Variants in EPHB2 observed in about 807,000 individuals in gnomAD.
EPHB2 encodes the protein EPH receptor B2, also known as ephrin type-B receptor 2.
Under a neutral mutation model 96.4 loss-of-function variants are expected in EPHB2, and 18 were observed. That is an observed-to-expected ratio of 0.19 (90% confidence interval 0.13 to 0.28). The LOEUF (loss-of-function observed/expected upper bound fraction) is 0.28, where lower values mean the gene tolerates loss of function less well. Ranked by LOEUF, EPHB2 falls within the 10% of genes least tolerant of loss-of-function variation. EPHB2 has a pLI of 1.00. For missense variants in EPHB2, 989 were observed against 1,355.4 expected (o/e 0.73, Z 4.25); for synonymous variants, 506 against 534.1 (o/e 0.95, Z 0.72).
chr1:22,746,500 C>G (rs1643976075), intron 1 of EPHB2, among the ~76,000 whole-genome samples: 1 of 152,218 alleles, frequency 6.6e-6, no homozygotes, highest in Non-Finnish European at 1.5e-5. Flanking sequence ...CTGTGGGCTC[C>G]TCCTTGAGCC....
intron 9 of EPHB2, among the ~76,000 whole-genome samples, chr1:22,904,088 G>A (rs1427815083): frequency 6.6e-6 from 1 of 152,226 alleles, no homozygotes; most frequent in African/African-American, 2.4e-5. Context: ...AGGAGTTAGA[G>A]ACCAGCCTGG....
rs1245931887 is a variant in EPHB2 at position 22,916,715 on chromosome 1, G to A, written c.*3145G>A. On this transcript the variant is annotated 3_prime_UTR_variant, in exon 16 of 16. Coordinates refer to ENST00000374630, the MANE Select transcript of EPHB2 (RefSeq NM_017449.5). This position sits in a 1 kb window ranked among gnomAD's most constrained non-coding sequence, Gnocchi z 4.2. ...AGCCCCCGCCTGCCCAGCAGTGTTA[G>A]GGGAGTTTCCGGCTGCTCTGCACAC... 1 of 152,428 alleles carries A rather than the reference G, an allele frequency of 6.6e-6. No homozygotes were observed. 9.4% of individuals were successfully genotyped at this position (152,428 alleles called of 1,614,324 possible).
chr1:22,894,405 C>T (rs1447054240), intron 7 of EPHB2, among the ~76,000 whole-genome samples: 1 of 152,082 alleles, frequency 6.6e-6, no homozygotes. Context: ...CGAGACCAGC[C>T]TGGCCAACAT....
chr1:22,903,401 A>AGGCTG (rs1415515371), intron 9 of EPHB2, among the ~76,000 whole-genome samples: 1 of 152,242 alleles, frequency 6.6e-6, no homozygotes, highest in Non-Finnish European at 1.5e-5. Context: ...GGCTCTGAGA[A>AGGCTG]GGCTGATGGG....
chr1:22,891,492 G>A (rs1028535507), intron 6 of EPHB2, among the ~76,000 whole-genome samples: 3 of 152,228 alleles, frequency 2.0e-5, no homozygotes, highest in African/African-American at 7.2e-5. Context: ...CTGTGCCTTA[G>A]CTCCCTGTAG....
chr1:22,803,549 T>A (rs2582034), intron 3 of EPHB2, among the ~76,000 whole-genome samples: 1 of 150,258 alleles, frequency 6.7e-6, no homozygotes, highest in African/African-American at 2.5e-5. Flanking sequence ...CAAGCTGCCG[T>A]GAGCCATGAT....
intron 1 of EPHB2, among the ~76,000 whole-genome samples, chr1:22,728,562 T>A (rs1643633940): frequency 6.6e-6 from 1 of 152,186 alleles, no homozygotes; most frequent in Non-Finnish European, 1.5e-5. Flanking sequence ...ATGAAGTAGG[T>A]GCTGGATAGA....
chr1:22,815,467 C>T (rs61768194), intron 3 of EPHB2, among the ~76,000 whole-genome samples: 84,935 of 152,146 alleles, frequency 0.56, 25,942 homozygotes, highest in Non-Finnish European at 0.69. Context: ...GTGCTCCCTC[C>T]AGGCCACCAT....
intron 5 of EPHB2, among the ~76,000 whole-genome samples, chr1:22,873,586 T>G (rs1170369263): frequency 2.0e-5 from 3 of 152,116 alleles, no homozygotes; most frequent in Non-Finnish European, 4.4e-5. Context: ...ACAACTGGTC[T>G]AACAGCATGG....
intron 1 of EPHB2, among the ~76,000 whole-genome samples, chr1:22,778,485 G>C (rs1185710641): frequency 6.6e-6 from 1 of 152,222 alleles, no homozygotes; most frequent in African/African-American, 2.4e-5. Context: ...CAAAAGACCA[G>C]GTTGGGGAGA....
At chr1:22,867,995 G>T (rs1214169233) in intron 5 of EPHB2, among the ~76,000 whole-genome samples, 1 of 152,252 alleles carries the variant, frequency 6.6e-6, no homozygotes, top group African/African-American at 2.4e-5. Context: ...CCCCCAAAGG[G>T]GGTGGTGGAG....
intron 7 of EPHB2, 151 bp downstream of exon 7, chr1:22,893,197 T>C: frequency 8.2e-7 from 1 of 1,226,854 alleles, no homozygotes; most frequent in Non-Finnish European, 1.2e-6. Context: ...TTTCGAACCT[T>C]TGTGCACAAC....
At chr1:22,900,137 T>C (rs1333321009) in intron 9 of EPHB2, among the ~76,000 whole-genome samples, 1 of 151,374 alleles carries the variant, frequency 6.6e-6, no homozygotes, top group African/African-American at 2.4e-5. Context: ...CTACTAAAAA[T>C]ACAAAAATTA....
intron 3 of EPHB2, among the ~76,000 whole-genome samples, chr1:22,805,646 C>T (rs937676189): frequency 1.4e-4 from 21 of 152,140 alleles, no homozygotes; most frequent in Admixed American, 6.5e-4. Flanking sequence ...CAGCAAGGAG[C>T]GGGTGGGGGT....
chr1:22,793,991 A>G (rs1208448806), intron 3 of EPHB2, among the ~76,000 whole-genome samples: 2 of 152,152 alleles, frequency 1.3e-5, no homozygotes, highest in African/African-American at 2.4e-5. Context: ...CCTGAGGCCC[A>G]TGTCTTATCC....
chr1:22,711,433 G>T (rs868703960), intron 1 of EPHB2, among the ~76,000 whole-genome samples: 5 of 148,992 alleles, frequency 3.4e-5, no homozygotes, highest in Middle Eastern at 3.6e-3. Flanking sequence ...GGGGGCGGGG[G>T]GGGCGCCGGC....
At chr1:22,844,222 CA>C (rs1273546557) in intron 3 of EPHB2, among the ~76,000 whole-genome samples, 11 of 152,236 alleles carry the variant, frequency 7.2e-5, no homozygotes, top group Non-Finnish European at 1.5e-4. Context: ...GAAATTTCCA[CA>C]CTGCTTTCCA....
intron 1 of EPHB2, among the ~76,000 whole-genome samples, chr1:22,772,803 G>T (rs1197990063): frequency 6.6e-6 from 1 of 152,186 alleles, no homozygotes; most frequent in Admixed American, 6.5e-5. Context: ...GCTTTACAGG[G>T]CGTGCAGAGG....
intron 3 of EPHB2, among the ~76,000 whole-genome samples, chr1:22,851,199 T>C (rs1217234436): frequency 3.3e-5 from 5 of 152,192 alleles, no homozygotes; most frequent in Non-Finnish European, 5.9e-5. Context: ...GGTCTCACTA[T>C]GTTGCTCAGA....
Sources: allele counts gnomAD v4.1 joint callset (sites outside exome capture counted in the v4.1 genomes callset), GRCh38; gene constraint gnomAD v4.1.1; non-coding constraint Gnocchi (gnomAD v3.1); transcripts MANE v1.5; gene names NCBI Gene and HGNC (gene_info 2026-07-23, HGNC 2026-07-21).